Variants in HPSE2 observed in about 807,000 individuals in gnomAD.
HPSE2 encodes inactive heparanase-2.
HPSE2 carries 38 observed loss-of-function variants against 60.5 expected under a neutral mutation model. The observed-to-expected ratio is 0.63, with a 90% CI of 0.48 to 0.82. HPSE2 has a LOEUF of 0.82. Among genes scored for constraint, HPSE2 ranks in the 40% least tolerant of loss-of-function variants. HPSE2 has a pLI of 0.00. For missense variants in HPSE2, 713 were observed against 740.4 expected (o/e 0.96, Z 0.43); for synonymous variants, 295 against 293.2 (o/e 1.01, Z -0.06).
At chr10:98,537,029 T>G (rs977943654) in intron 9 of HPSE2, among the ~76,000 whole-genome samples, 2 of 152,208 alleles carry the variant, frequency 1.3e-5, no homozygotes, top group African/African-American at 4.8e-5. Flanking sequence ...ACACTGTGTT[T>G]TATAAAATAT....
chr10:98,741,504 G>A (rs1949495788), intron 4 of HPSE2, among the ~76,000 whole-genome samples: 4 of 151,634 alleles, frequency 2.6e-5, no homozygotes, highest in Admixed American at 2.0e-4. Flanking sequence ...GATATATACA[G>A]AAAGATGTAT....
intron 6 of HPSE2, among the ~76,000 whole-genome samples, chr10:98,643,548 C>A (rs1178348524): frequency 6.6e-6 from 1 of 152,050 alleles, no homozygotes; most frequent in African/African-American, 2.4e-5. Context: ...TGTATAGATG[C>A]CAGACTCAGA....
chr10:98,877,818 G>A (rs1438457186), intron 3 of HPSE2, among the ~76,000 whole-genome samples: 1 of 151,856 alleles, frequency 6.6e-6, no homozygotes, highest in Non-Finnish European at 1.5e-5. Context: ...TTCAGGGCAG[G>A]TTTCATGCAA....
chr10:99,024,851 C>T (rs1370359168), intron 3 of HPSE2, among the ~76,000 whole-genome samples: 2 of 152,116 alleles, frequency 1.3e-5, no homozygotes, highest in Non-Finnish European at 2.9e-5. Flanking sequence ...GAGATAAAGA[C>T]TTTCCCACAC....
chr10:99,108,997 T>C (rs1329278896), intron 3 of HPSE2, among the ~76,000 whole-genome samples: 1 of 152,170 alleles, frequency 6.6e-6, no homozygotes, highest in Non-Finnish European at 1.5e-5. Flanking sequence ...TGTGTTGTCA[T>C]GAATCTCGGT....
At position 98,573,782 on chromosome 10, in the gene HPSE2, C is replaced by T. The variant is rs1019111582; in HGVS notation, c.1320+41122G>A. On this transcript the variant is annotated intron_variant, in intron 9 of 11. Transcript: ENST00000370552. ...GATGAGGAGCAGAGGTTAAAAACCA[C>T]GAGCACTATCAGGCAGTCCTTGAGA... 5.3e-5 allele frequency among the ~76,000 whole-genome samples: 8 copies of T among 152,192 alleles called. No individual in the cohort carries two copies. The South Asian group carries it at 6.2e-4, about 12-fold the overall frequency.
the HPSE2 span, among the ~76,000 whole-genome samples, chr10:99,286,101 A>G: frequency 1.3e-5 from 2 of 152,238 alleles, no homozygotes; most frequent in Non-Finnish European, 2.9e-5. Context: ...TAGAGAAATC[A>G]GAATCCTCAT....
intron 3 of HPSE2, among the ~76,000 whole-genome samples, chr10:98,964,148 C>T (rs570820408): frequency 6.6e-6 from 1 of 152,178 alleles, no homozygotes; most frequent in Admixed American, 6.5e-5. Context: ...GTCACTACTG[C>T]CCTCTTGAAT....
chr10:98,529,678 C>T (rs145355241), intron 9 of HPSE2, among the ~76,000 whole-genome samples: 12 of 152,242 alleles, frequency 7.9e-5, no homozygotes, highest in African/African-American at 2.9e-4. Flanking sequence ...TTCCTCTTAG[C>T]CTTGTCTCGC....
At chr10:98,686,473 C>A (rs1321038866) in intron 6 of HPSE2, among the ~76,000 whole-genome samples, 3 of 152,128 alleles carry the variant, frequency 2.0e-5, no homozygotes, top group Middle Eastern at 3.2e-3. Flanking sequence ...ATGATCATAG[C>A]TCACTGTAGC....
intron 11 of HPSE2, among the ~76,000 whole-genome samples, chr10:98,465,544 T>TAG (rs545204297): frequency 5.2e-4 from 79 of 152,334 alleles, no homozygotes; most frequent in African/African-American, 1.9e-3. Context: ...GGGACAAGGT[T>TAG]AGACAGGTTA....
At chr10:98,856,978 T>C (rs937271488) in intron 3 of HPSE2, among the ~76,000 whole-genome samples, 8 of 152,282 alleles carry the variant, frequency 5.3e-5, no homozygotes, top group African/African-American at 1.9e-4. Context: ...ATGGATAATA[T>C]CTTCTTTCTC....
intron 3 of HPSE2, among the ~76,000 whole-genome samples, chr10:98,800,613 T>C (rs1219471479): frequency 6.6e-6 from 1 of 151,632 alleles, no homozygotes; most frequent in Non-Finnish European, 1.5e-5. Flanking sequence ...GCCAGTAAAT[T>C]GGAAAATCTA....
At chr10:98,943,636 C>G (rs888064172) in intron 3 of HPSE2, among the ~76,000 whole-genome samples, 1 of 152,114 alleles carries the variant, frequency 6.6e-6, no homozygotes, top group Non-Finnish European at 1.5e-5. Flanking sequence ...CTTTTTCTCT[C>G]TCCCCCTGCT....
intron 9 of HPSE2, among the ~76,000 whole-genome samples, chr10:98,533,919 T>C (rs180686645): frequency 6.6e-6 from 1 of 152,340 alleles, no homozygotes; most frequent in Admixed American, 6.5e-5. Flanking sequence ...TGTGAAACAG[T>C]TTCACTCAGT....
intron 3 of HPSE2, among the ~76,000 whole-genome samples, chr10:99,026,047 GA>G (rs1194858829): frequency 6.6e-6 from 1 of 151,300 alleles, no homozygotes; most frequent in African/African-American, 2.4e-5. Flanking sequence ...ACACAGGAAG[GA>G]AAAAAAAGAA....
intron 9 of HPSE2, 44 bp from the exon 10 acceptor site, chr10:98,490,240 C>T (rs1460473469): frequency 3.8e-6 from 6 of 1,577,252 alleles, no homozygotes; most frequent in Non-Finnish European, 5.2e-6. Flanking sequence ...AGAACACATG[C>T]TCAGGTGTTC....
At chr10:99,007,262 G>A (rs1441087994) in intron 3 of HPSE2, among the ~76,000 whole-genome samples, 1 of 152,154 alleles carries the variant, frequency 6.6e-6, no homozygotes, top group African/African-American at 2.4e-5. Flanking sequence ...GTCTGGGGCT[G>A]TGAGGGCTTG....
chr10:98,939,381 G>C (rs1163730127), intron 3 of HPSE2, among the ~76,000 whole-genome samples: 1 of 143,502 alleles, frequency 7.0e-6, no homozygotes, highest in Non-Finnish European at 1.5e-5. Flanking sequence ...TAAAAGGATG[G>C]AGGAAGATCT....
Sources: gnomAD v4.1 joint callset for allele counts (sites outside exome capture counted in the v4.1 genomes callset) on GRCh38, gnomAD v4.1.1 for gene constraint, MANE v1.5 for transcripts, NCBI Gene and HGNC (gene_info 2026-07-23, HGNC 2026-07-21) for gene names.